Variants in ZNF521 observed in about 807,000 individuals in gnomAD.
The protein encoded by ZNF521 is zinc finger protein 521.
Under a neutral mutation model 105.5 loss-of-function variants are expected in ZNF521, and 14 were observed. That is an observed-to-expected ratio of 0.13 (90% CI 0.09 to 0.21). ZNF521 has a LOEUF of 0.21. Ranked by LOEUF, ZNF521 falls within the 10% of genes least tolerant of loss-of-function variation. The pLI is 1.00. For synonymous variants in ZNF521, 635 were observed against 606.0 expected, an observed-to-expected ratio of 1.05 and a Z score of -0.70; for missense variants, 1,233 against 1,629.7, an observed-to-expected ratio of 0.76 and a Z score of 4.19.
chr18:25,147,901 C>T (rs930765792), intron 5 of ZNF521, among the ~76,000 whole-genome samples: 14 of 152,212 alleles, frequency 9.2e-5, no homozygotes, highest in Admixed American at 8.5e-4. Context: ...GCAGCCGTAC[C>T]CTGTCCTGAC....
At chr18:25,189,053 T>C (rs1201120386) in intron 5 of ZNF521, among the ~76,000 whole-genome samples, 1 of 152,240 alleles carries the variant, frequency 6.6e-6, no homozygotes, top group Non-Finnish European at 1.5e-5. Flanking sequence ...TTTTAATAGC[T>C]TAACCCTGAA....
chr18:25,183,460 T>C (rs1365169418), intron 5 of ZNF521, among the ~76,000 whole-genome samples: 2 of 152,116 alleles, frequency 1.3e-5, no homozygotes, highest in Admixed American at 1.3e-4. Flanking sequence ...GGTTGAGGTA[T>C]TCAGTAGGTG....
At chr18:25,323,129 G>C (rs960726219) in intron 2 of ZNF521, among the ~76,000 whole-genome samples, 1 of 151,910 alleles carries the variant, frequency 6.6e-6, no homozygotes, top group African/African-American at 2.4e-5. Context: ...GTATCTCTTT[G>C]GGGGAAATTA....
chr18:25,237,958 T>C (rs1907035697), intron 3 of ZNF521, among the ~76,000 whole-genome samples: 1 of 152,236 alleles, frequency 6.6e-6, no homozygotes, highest in Non-Finnish European at 1.5e-5. Context: ...GTGAGAAATG[T>C]GGGCCTTTAG....
chr18:25,256,043 A>G (rs555898457), intron 3 of ZNF521, among the ~76,000 whole-genome samples: 43 of 146,474 alleles, frequency 2.9e-4, no homozygotes, highest in African/African-American at 1.1e-3. Flanking sequence ...TATATATATG[A>G]TATATATATA....
intron 3 of ZNF521, among the ~76,000 whole-genome samples, chr18:25,254,885 T>A (rs1167366346): frequency 6.6e-6 from 1 of 151,836 alleles, no homozygotes; most frequent in Non-Finnish European, 1.5e-5. Flanking sequence ...TAAGAAAGAG[T>A]CTGAAAAATG....
chr18:25,111,008 C>T (rs2034178231), intron 5 of ZNF521, among the ~76,000 whole-genome samples: 1 of 152,030 alleles, frequency 6.6e-6, no homozygotes, highest in African/African-American at 2.4e-5. Flanking sequence ...AGTGTTCCAC[C>T]CTCCTCAGCC....
At chr18:25,269,182 G>T (rs1909475031) in intron 3 of ZNF521, among the ~76,000 whole-genome samples, 1 of 149,894 alleles carries the variant, frequency 6.7e-6, no homozygotes, top group East Asian at 2.0e-4. Flanking sequence ...AAGATCAAAA[G>T]AGACAAAGAA....
At chr18:25,176,408 C>A (rs1054609411) in intron 5 of ZNF521, among the ~76,000 whole-genome samples, 9 of 152,174 alleles carry the variant, frequency 5.9e-5, no homozygotes, top group Non-Finnish European at 1.3e-4. Flanking sequence ...ATGCACTGAG[C>A]AATCTTCGTC....
chr18:25,333,339 C>CAT (rs528146136), intron 2 of ZNF521, among the ~76,000 whole-genome samples: 1 of 149,850 alleles, frequency 6.7e-6, no homozygotes, highest in African/African-American at 2.4e-5. Context: ...TATATACACA[C>CAT]ATATATATAT....
At chr18:25,121,569 G>A (rs1184015717) in intron 5 of ZNF521, among the ~76,000 whole-genome samples, 1 of 151,980 alleles carries the variant, frequency 6.6e-6, no homozygotes. Context: ...TTAAAAAAGT[G>A]TTAGATGACA....
chr18:25,259,365 G>T (rs1442233789), intron 3 of ZNF521, among the ~76,000 whole-genome samples: 1 of 152,068 alleles, frequency 6.6e-6, no homozygotes, highest in Non-Finnish European at 1.5e-5. Flanking sequence ...TTCAATTCTT[G>T]TGACCCTTGT....
intron 2 of ZNF521, among the ~76,000 whole-genome samples, chr18:25,332,347 CAA>C (rs33971407): frequency 0.065 from 8,256 of 127,788 alleles, 444 homozygotes; most frequent in African/African-American, 0.16. Context: ...AAGATCACAG[CAA>C]AAAAAAAAAA....
chr18:25,118,269 G>A (rs2034368053), intron 5 of ZNF521, among the ~76,000 whole-genome samples: 1 of 151,954 alleles, frequency 6.6e-6, no homozygotes, highest in Non-Finnish European at 1.5e-5. Context: ...ATCTTTAGCA[G>A]AACTGAACTA....
Position 25,062,664 on chromosome 18 carries a change from C to T in ZNF521, c.*48G>A, listed in dbSNP as rs1354202545. On this transcript the variant is annotated 3_prime_UTR_variant, in exon 8 of 8. Transcript: ENST00000361524. ...TTTCGTGCAAAGAGTAAAACATGTT[C>T]CCTTTTTGTGCCACAAAATCAATTC... 1.9e-6 allele frequency: 3 copies of T among 1,542,062 alleles called. No individual in the cohort carries two copies. Among genetic ancestry groups the T allele is most frequent in the African/African-American group, 2.9e-5 (2 of 69,074 alleles).
chr18:25,170,244 A>G (rs1046831279), intron 5 of ZNF521, among the ~76,000 whole-genome samples: 1 of 152,082 alleles, frequency 6.6e-6, no homozygotes, highest in Non-Finnish European at 1.5e-5. Context: ...GAAAATCTTC[A>G]CTAACCTGAA....
intron 5 of ZNF521, among the ~76,000 whole-genome samples, chr18:25,106,556 C>T (rs2034077628): frequency 1.3e-5 from 2 of 152,000 alleles, no homozygotes; most frequent in African/African-American, 4.8e-5. Flanking sequence ...TCCCCTGGTG[C>T]GATTGTAAAG....
At position 25,062,004 on chromosome 18, in the gene ZNF521, T is replaced by C. The variant is rs2032909515; in HGVS notation, c.*708A>G. The C allele has an allele frequency of 5.3e-6, 1 of 188,950 alleles. No homozygotes were observed. Among genetic ancestry groups the C allele is most frequent in the South Asian group, 1.9e-4 (1 of 5,146 alleles). 11.7% of individuals were successfully genotyped at this position (188,950 alleles called of 1,614,324 possible). On this transcript the variant is annotated 3_prime_UTR_variant, in exon 8 of 8. Coordinates refer to ENST00000361524, the MANE Select transcript of ZNF521 (RefSeq NM_015461.3). ...GTTCAGACTGCAGAGTAAACATTAA[T>C]AACAGTAACATACAGGTTAGTTCAA... is the stretch of plus-strand genomic sequence containing the variant.
chr18:25,232,881 A>G (rs1264896817), intron 3 of ZNF521, among the ~76,000 whole-genome samples: 7 of 152,198 alleles, frequency 4.6e-5, no homozygotes, highest in Non-Finnish European at 8.8e-5. Context: ...CTTGCCTTAC[A>G]TAATTGTTTA....
Sources: allele counts gnomAD v4.1 joint callset (sites outside exome capture counted in the v4.1 genomes callset), GRCh38; gene constraint gnomAD v4.1.1; transcripts MANE v1.5; gene names NCBI Gene and HGNC (gene_info 2026-07-23, HGNC 2026-07-21).